Variants in ATRNL1 observed in about 807,000 individuals in gnomAD.
ATRNL1 encodes attractin like 1.
Under a neutral mutation model 182.7 loss-of-function variants are expected in ATRNL1, and 95 were observed. That is an observed-to-expected ratio of 0.52 (90% CI 0.44 to 0.62). The LOEUF (loss-of-function observed/expected upper bound fraction) is 0.62. ATRNL1 is among the 20% of genes least tolerant of loss of function. The pLI is 0.00. For missense variants in ATRNL1, 1,471 were observed against 1,679.5 expected (o/e 0.88, Z 2.17); for synonymous variants, 576 against 568.3 (o/e 1.01, Z -0.19).
At chr10:115,566,949 A>G (rs1472325851) in intron 26 of ATRNL1, among the ~76,000 whole-genome samples, 1 of 152,154 alleles carries the variant, frequency 6.6e-6, no homozygotes, top group South Asian at 2.1e-4. Context: ...ATACTTATTG[A>G]TGAATCATAT....
chr10:115,944,639 C>A lies in ATRNL1; in HGVS notation c.4019-19C>A, dbSNP rs1555125025. The A allele has an allele frequency of 6.3e-7, 1 of 1,589,384 alleles. No homozygotes were observed. The highest frequency in any genetic ancestry group is 2.3e-5 in the East Asian group (1 of 44,310). On this transcript the variant is annotated intron_variant, in intron 28 of 28. Transcript: ENST00000355044. ...AAATGTCTAAGCAAGCATTTAAATG[C>A]TTTTCTCTTTCCTTCCAGGCCTTGC...
At chr10:115,463,502 A>G (rs1554970254) in intron 22 of ATRNL1, among the ~76,000 whole-genome samples, 1 of 152,060 alleles carries the variant, frequency 6.6e-6, no homozygotes, top group African/African-American at 2.4e-5. Context: ...TTGACTTTTT[A>G]TTGTAGTAAA....
At chr10:115,819,611 T>C (rs1308259752) in intron 27 of ATRNL1, among the ~76,000 whole-genome samples, 1 of 152,160 alleles carries the variant, frequency 6.6e-6, no homozygotes, top group Non-Finnish European at 1.5e-5. Context: ...CCCTTTCTTT[T>C]ATACTTTTAA....
At chr10:115,271,165 TAC>T (rs59638255) in intron 13 of ATRNL1, among the ~76,000 whole-genome samples, 7,185 of 145,838 alleles carry the variant, frequency 0.049, 203 homozygotes, top group African/African-American at 0.091. Context: ...ACAAAGATAT[TAC>T]ACACACACAC....
intron 26 of ATRNL1, among the ~76,000 whole-genome samples, chr10:115,615,058 T>A (rs1555020342): frequency 6.6e-6 from 1 of 152,116 alleles, no homozygotes; most frequent in East Asian, 1.9e-4. Context: ...CATATTCCTG[T>A]CATTTTCTTA....
chr10:115,217,639 T>C (rs1849284740), intron 9 of ATRNL1, among the ~76,000 whole-genome samples: 1 of 152,214 alleles, frequency 6.6e-6, no homozygotes, highest in Admixed American at 6.5e-5. Flanking sequence ...CTGAAAACTT[T>C]ACATAGTGAA....
intron 10 of ATRNL1, among the ~76,000 whole-genome samples, chr10:115,261,073 CA>C (rs1851371551): frequency 6.6e-6 from 1 of 151,758 alleles, no homozygotes; most frequent in Non-Finnish European, 1.5e-5. Context: ...TACAAAAAGA[CA>C]AAAAGAACCT....
At chr10:115,542,611 A>G (rs921781901) in intron 25 of ATRNL1, among the ~76,000 whole-genome samples, 1 of 152,330 alleles carries the variant, frequency 6.6e-6, no homozygotes, top group African/African-American at 2.4e-5. Flanking sequence ...CCAGAGAATC[A>G]TAAGAAAATG....
intron 19 of ATRNL1, among the ~76,000 whole-genome samples, chr10:115,351,278 C>T (rs1352461709): frequency 1.3e-5 from 2 of 152,138 alleles, no homozygotes; most frequent in East Asian, 3.9e-4. Flanking sequence ...ACTTCCAGTA[C>T]TATGTCTAAT....
At chr10:115,703,687 A>G (rs1441302050) in intron 26 of ATRNL1, among the ~76,000 whole-genome samples, 1 of 151,810 alleles carries the variant, frequency 6.6e-6, no homozygotes, top group African/African-American at 2.4e-5. Context: ...TAGATAATAT[A>G]TAAACATATA....
chr10:115,789,731 T>C (rs1187191378), intron 27 of ATRNL1, among the ~76,000 whole-genome samples: 1 of 152,196 alleles, frequency 6.6e-6, no homozygotes, highest in Non-Finnish European at 1.5e-5. Context: ...TTTACTTTAA[T>C]CAGGACCCCC....
At chr10:115,431,424 A>G (rs1413494908) in intron 21 of ATRNL1, among the ~76,000 whole-genome samples, 2 of 151,502 alleles carry the variant, frequency 1.3e-5, no homozygotes, top group African/African-American at 2.4e-5. Context: ...AAAAAAGAAA[A>G]GAAAAGATAT....
intron 20 of ATRNL1, among the ~76,000 whole-genome samples, chr10:115,401,577 C>A (rs887957651): frequency 3.9e-5 from 6 of 152,100 alleles, no homozygotes; most frequent in Admixed American, 3.3e-4. Flanking sequence ...AATTCCCTAG[C>A]TTAAAATGTG....
At chr10:115,622,771 C>G (rs768399574) in intron 26 of ATRNL1, among the ~76,000 whole-genome samples, 6 of 151,932 alleles carry the variant, frequency 3.9e-5, no homozygotes, top group Admixed American at 3.9e-4. Context: ...ACTAAAAATA[C>G]AAAAAATTAG....
At chr10:115,508,969 A>G (rs1281931089) in intron 24 of ATRNL1, among the ~76,000 whole-genome samples, 3 of 152,084 alleles carry the variant, frequency 2.0e-5, no homozygotes, top group Non-Finnish European at 4.4e-5. Flanking sequence ...ATCAAAATTC[A>G]AAAGACAGGA....
At chr10:115,518,375 AAG>A (rs1554984377) in intron 24 of ATRNL1, among the ~76,000 whole-genome samples, 1 of 151,950 alleles carries the variant, frequency 6.6e-6, no homozygotes, top group African/African-American at 2.4e-5. Flanking sequence ...TTAAAAGAAA[AAG>A]AGATTTTAAT....
intron 19 of ATRNL1, among the ~76,000 whole-genome samples, chr10:115,364,152 C>G (rs1856899382): frequency 1.4e-5 from 2 of 143,546 alleles, no homozygotes; most frequent in Admixed American, 1.4e-4. Flanking sequence ...TACCCGTGAG[C>G]ATGGAATGTT....
At chr10:115,461,316 G>A (rs2134528921) in intron 21 of ATRNL1, among the ~76,000 whole-genome samples, 1 of 152,118 alleles carries the variant, frequency 6.6e-6, no homozygotes, top group South Asian at 2.1e-4. Context: ...CTTGGTTCCA[G>A]CATTATGTAT....
At chr10:115,376,364 A>G (rs1435395022) in intron 19 of ATRNL1, among the ~76,000 whole-genome samples, 2 of 151,996 alleles carry the variant, frequency 1.3e-5, no homozygotes, top group Non-Finnish European at 2.9e-5. Context: ...ATCATAGCTC[A>G]TTGTAACTTC....
Sources: allele counts gnomAD v4.1 joint callset (sites outside exome capture counted in the v4.1 genomes callset), GRCh38; gene constraint gnomAD v4.1.1; transcripts MANE v1.5; gene names NCBI Gene and HGNC (gene_info 2026-07-23, HGNC 2026-07-21).